GARNL3: variants seen among roughly 807,000 people sequenced by gnomAD.
GARNL3 encodes the protein GTPase-activating Rap/Ran-GAP domain-like protein 3.
A neutral mutation model predicts 125.0 loss-of-function variants in GARNL3; 63 were observed. That is an observed-to-expected ratio of 0.50 (90% CI 0.41 to 0.62). GARNL3 has a LOEUF of 0.62. Among genes scored for constraint, GARNL3 ranks in the 20% least tolerant of loss-of-function variants. The pLI, the probability that GARNL3 is intolerant of heterozygous loss-of-function variation, is 0.00. For synonymous variants in GARNL3, 439 were observed against 457.5 expected, an observed-to-expected ratio of 0.96 and a Z score of 0.52; for missense variants, 994 against 1,244.0, an observed-to-expected ratio of 0.80 and a Z score of 3.02.
chr9:127,293,256 A>T (rs541389015), intron 2 of GARNL3, among the ~76,000 whole-genome samples: 3 of 152,352 alleles, frequency 2.0e-5, no homozygotes, highest in African/African-American at 7.2e-5. Flanking sequence ...AGTTGCTTAA[A>T]AATTCTCAAA....
chr9:127,391,711 A>C (rs1470371084), intron 27 of GARNL3, among the ~76,000 whole-genome samples: 1 of 150,670 alleles, frequency 6.6e-6, no homozygotes, highest in Non-Finnish European at 1.5e-5. Context: ...AAAAAAAAAA[A>C]AAAAAAACAC....
chr9:127,325,897 C>T (rs1244134561), intron 7 of GARNL3, among the ~76,000 whole-genome samples: 5 of 152,134 alleles, frequency 3.3e-5, no homozygotes, highest in African/African-American at 7.2e-5. Context: ...CATGTGGAAT[C>T]GGGTCATCTC....
In GARNL3 at chr9:127,312,649, T is replaced by C. The variant is rs72766242; in HGVS notation, c.320-792T>C. Among the ~76,000 whole-genome samples, 974 of 152,334 alleles carry C rather than the reference T, an allele frequency of 6.4e-3. 5 individuals carry two copies. Among genetic ancestry groups the C allele is most frequent in the Non-Finnish European group, 0.01 (714 of 68,024 alleles). ...AGGCTAATGTATTCATTTGTAGATA[T>C]GATGCTTGAATGATGAAATGAGAGT... is the stretch of plus-strand genomic sequence containing the variant. On this transcript the variant is annotated intron_variant, in intron 3 of 27. Coordinates refer to ENST00000373387, the MANE Select transcript of GARNL3 (RefSeq NM_032293.5).
At chr9:127,248,189 A>G (rs1273612128) in intron 2 of GARNL3, among the ~76,000 whole-genome samples, 7 of 152,176 alleles carry the variant, frequency 4.6e-5, no homozygotes, top group Non-Finnish European at 8.8e-5. Context: ...TGTTTCCATT[A>G]AGAAACTTCT....
At chr9:127,319,068 A>G (rs891250236) in intron 5 of GARNL3, among the ~76,000 whole-genome samples, 2 of 152,324 alleles carry the variant, frequency 1.3e-5, no homozygotes, top group Admixed American at 6.5e-5. Flanking sequence ...CTGCAGCTAC[A>G]TGGTGGTAGA....
intron 22 of GARNL3, among the ~76,000 whole-genome samples, chr9:127,366,356 C>G (rs1831287352): frequency 6.6e-6 from 1 of 152,116 alleles, no homozygotes; most frequent in Non-Finnish European, 1.5e-5. Context: ...AACTGTGCAC[C>G]CTCCTCAGAA....
chr9:127,318,157 A>G (rs1390764198), intron 5 of GARNL3, 30 bp downstream of exon 5: 4 of 1,323,512 alleles, frequency 3.0e-6, no homozygotes, highest in Non-Finnish European at 4.4e-6. Flanking sequence ...AACCCCACAC[A>G]TGGATTTGGA....
chr9:127,289,487 C>A lies in GARNL3; in HGVS notation c.145-1681C>A, dbSNP rs118087292. 4.9e-3 allele frequency among the ~76,000 whole-genome samples: 753 copies of A among 152,326 alleles called. 5 individuals are homozygous for A. Among genetic ancestry groups the A allele is most frequent in the Middle Eastern group, 0.034 (10 of 294 alleles). The stretch of plus-strand genomic sequence containing the variant: ...TGTAGACAGCATTAACTCCTCCTGG[C>A]GATGATGTGTGACAACATCAGCACC... On this transcript the variant is annotated intron_variant, in intron 1 of 27. Coordinates refer to ENST00000373387, the MANE Select transcript of GARNL3 (RefSeq NM_032293.5).
At chr9:127,375,095 C>A (rs755752191) in intron 22 of GARNL3, among the ~76,000 whole-genome samples, 2 of 152,082 alleles carry the variant, frequency 1.3e-5, no homozygotes, top group Admixed American at 6.6e-5. Flanking sequence ...CTTTGGAAAA[C>A]AGTTCTTCAA....
intron 1 of GARNL3, among the ~76,000 whole-genome samples, chr9:127,236,297 C>T (rs983719907): frequency 2.0e-5 from 3 of 152,214 alleles, no homozygotes; most frequent in Non-Finnish European, 4.4e-5. Context: ...TAGTATTTCT[C>T]AACTATTTTA....
chr9:127,297,408 G>C (rs2064635685), intron 2 of GARNL3, among the ~76,000 whole-genome samples: 1 of 152,168 alleles, frequency 6.6e-6, no homozygotes. Flanking sequence ...CAAAGTTTTG[G>C]GATTTCAGCT....
chr9:127,264,149 G>T (rs887232873), upstream of GARNL3: 7 of 548,776 alleles, frequency 1.3e-5, no homozygotes, highest in African/African-American at 7.7e-5. Context: ...TTTATATTTT[G>T]TGGATCTCAT....
rs369147423 is a variant in GARNL3 at position 127,339,730 on chromosome 9, A to C, written c.1114A>C (p.Arg372=). ...PPVFTDHQEF[R]DFLLVKLING... ...AGTGTTTACAGACCACCAGGAATTC[A>C]GGGACTTTTTGCTAGTGAAATGTAA... Residue 372 remains arginine, a synonymous_variant, in exon 13 of 28, where the codon AGG becomes CGG. Coordinates refer to ENST00000373387, the MANE Select transcript of GARNL3 (RefSeq NM_032293.5). 1.4e-5 allele frequency: 23 copies of C among 1,612,404 alleles called. No individual in the cohort carries two copies. The highest frequency in any genetic ancestry group is 5.0e-5 in the Admixed American group (3 of 59,996).
At chr9:127,304,107 A>G (rs1373402123) in intron 2 of GARNL3, among the ~76,000 whole-genome samples, 1 of 152,240 alleles carries the variant, frequency 6.6e-6, no homozygotes, top group African/African-American at 2.4e-5. Context: ...TGTACTCATC[A>G]GCCTATTTTC....
At position 127,389,052 on chromosome 9, in the gene GARNL3, G is replaced by T. The variant is rs776796001; in HGVS notation, c.2676G>T (p.Thr892=). Residue 892 remains threonine (T), a synonymous_variant, in exon 26 of 28, where the codon ACG becomes ACT. Transcript: ENST00000373387. ...ISVGLAAIPV[T]HSLSLSRMEI... ...TGGGCCTTGCTGCCATTCCAGTCAC[G>T]CACTCCTTGTCCCTGTCTCGCATGG... 2.5e-6 allele frequency: 4 copies of T among 1,614,050 alleles called. No homozygotes were observed. The highest frequency in any genetic ancestry group is 2.2e-5 in the East Asian group (1 of 44,892).
chr9:127,281,351 G>A (rs2064098837), intron 1 of GARNL3, among the ~76,000 whole-genome samples: 1 of 152,194 alleles, frequency 6.6e-6, no homozygotes. Flanking sequence ...GATGGGTGTT[G>A]AGTTTGCTGA....
chr9:127,235,528 A>G (rs929270319), intron 1 of GARNL3, among the ~76,000 whole-genome samples: 1 of 152,208 alleles, frequency 6.6e-6, no homozygotes, highest in South Asian at 2.1e-4. Context: ...AATTGTTCAT[A>G]TAAATCCCAA....
rs759018886 is a variant in GARNL3, at chr9:127,264,869, T to C, written c.-9T>C. 3 of 1,571,322 alleles carry C rather than the reference T, an allele frequency of 1.9e-6. No individual in the cohort carries two copies. In the Admixed American group the frequency reaches 5.3e-5, roughly 28 times the overall value. On this transcript the variant is annotated 5_prime_UTR_variant, in exon 1 of 28. Transcript: ENST00000373387. Reference sequence around the variant, plus strand: ...CTGCAAGTCTGTTCCATAGCAGCCCTTTTTGCAAATGGTAGTTGATTTTTG... The same window carrying C: ...CTGCAAGTCTGTTCCATAGCAGCCCCTTTTGCAAATGGTAGTTGATTTTTG...
intron 2 of GARNL3, among the ~76,000 whole-genome samples, chr9:127,248,565 A>C (rs1465152654): frequency 6.8e-6 from 1 of 147,004 alleles, no homozygotes; most frequent in Non-Finnish European, 1.5e-5. Flanking sequence ...ACAGCAAGGA[A>C]ATTTCTTATT....
Sources: allele counts gnomAD v4.1 joint callset (sites outside exome capture counted in the v4.1 genomes callset), GRCh38; gene constraint gnomAD v4.1.1; transcripts MANE v1.5; gene names NCBI Gene and HGNC (gene_info 2026-07-23, HGNC 2026-07-21).